The following KCND2 variants were observed in gnomAD, a reference collection of about 807,000 sequenced individuals.
KCND2 encodes the protein potassium voltage-gated channel subfamily D member 2.
Under a neutral mutation model 54.4 loss-of-function variants are expected in KCND2, and 16 were observed. That is an observed-to-expected ratio of 0.29 (90% CI 0.20 to 0.45). The LOEUF (loss-of-function observed/expected upper bound fraction) is 0.45, where lower values mean the gene tolerates loss of function less well. KCND2 is among the 20% of genes least tolerant of loss of function. The pLI is 1.00. For missense variants in KCND2, 486 were observed against 824.2 expected, an observed-to-expected ratio of 0.59 and a Z score of 5.02; for synonymous variants, 317 against 310.7, an observed-to-expected ratio of 1.02 and a Z score of -0.21.
At chr7:120,670,670 A>G (rs906022674) in intron 1 of KCND2, among the ~76,000 whole-genome samples, 1 of 152,030 alleles carries the variant, frequency 6.6e-6, no homozygotes, top group Non-Finnish European at 1.5e-5. Context: ...TAATCCCAGC[A>G]CTTTAGGAGG....
At chr7:120,453,272 C>G (rs1361078917) in intron 1 of KCND2, among the ~76,000 whole-genome samples, 1 of 152,198 alleles carries the variant, frequency 6.6e-6, no homozygotes, top group Non-Finnish European at 1.5e-5. Flanking sequence ...GTGCCCTCCC[C>G]CAGCTGATGT....
intron 1 of KCND2, among the ~76,000 whole-genome samples, chr7:120,350,991 A>C (rs556415861): frequency 6.6e-6 from 1 of 152,016 alleles, no homozygotes; most frequent in Admixed American, 6.5e-5. Flanking sequence ...TAGTTATTGA[A>C]ATATAAATGC....
chr7:120,301,940 A>G (rs899722483), intron 1 of KCND2, among the ~76,000 whole-genome samples: 2 of 152,190 alleles, frequency 1.3e-5, no homozygotes, highest in African/African-American at 4.8e-5. Context: ...CTGGAATCAT[A>G]TGTATGATTT....
intron 1 of KCND2, among the ~76,000 whole-genome samples, chr7:120,542,954 G>A (rs193133304): frequency 1.2e-3 from 189 of 152,024 alleles, no homozygotes; most frequent in South Asian, 2.3e-3. Flanking sequence ...TTACTCTTAC[G>A]GAAAGTCAAT....
chr7:120,452,332 A>T (rs941954421), intron 1 of KCND2, among the ~76,000 whole-genome samples: 1 of 152,218 alleles, frequency 6.6e-6, no homozygotes. Flanking sequence ...GGAAAGATTG[A>T]GTGAAATAAG....
At chr7:120,342,139 G>A (rs184684730) in intron 1 of KCND2, among the ~76,000 whole-genome samples, 7 of 152,222 alleles carry the variant, frequency 4.6e-5, no homozygotes, top group East Asian at 1.9e-4. Flanking sequence ...GAAAATCTTC[G>A]GAGAAAATTT....
At chr7:120,410,957 T>C (rs1801441798) in intron 1 of KCND2, among the ~76,000 whole-genome samples, 1 of 151,936 alleles carries the variant, frequency 6.6e-6, no homozygotes, top group Non-Finnish European at 1.5e-5. Context: ...TGATGGACAT[T>C]CGGGTTGGTT....
At chr7:120,310,491 C>G (rs898003837) in intron 1 of KCND2, among the ~76,000 whole-genome samples, 1 of 152,092 alleles carries the variant, frequency 6.6e-6, no homozygotes, top group Admixed American at 6.6e-5. Flanking sequence ...ATATAAATGT[C>G]TGGCTCACAA....
intron 1 of KCND2, among the ~76,000 whole-genome samples, chr7:120,599,145 T>G (rs1172580536): frequency 6.6e-6 from 1 of 152,146 alleles, no homozygotes; most frequent in Admixed American, 6.6e-5. Flanking sequence ...TATATATGGA[T>G]CTATTTTTAA....
intron 1 of KCND2, among the ~76,000 whole-genome samples, chr7:120,632,503 C>T: frequency 6.6e-6 from 1 of 152,124 alleles, no homozygotes; most frequent in South Asian, 2.1e-4. Flanking sequence ...ATGAAAAGTA[C>T]ATACTGAAAG....
intron 1 of KCND2, among the ~76,000 whole-genome samples, chr7:120,517,709 A>T (rs1803216637): frequency 6.6e-6 from 1 of 152,136 alleles, no homozygotes; most frequent in South Asian, 2.1e-4. Flanking sequence ...CTACTGCCAA[A>T]TTTAACCATT....
chr7:120,331,871 C>G (rs1239139849), intron 1 of KCND2, among the ~76,000 whole-genome samples: 1 of 152,018 alleles, frequency 6.6e-6, no homozygotes, highest in Non-Finnish European at 1.5e-5. Context: ...AAAATACCTT[C>G]ATTTTATCCC....
intron 1 of KCND2, among the ~76,000 whole-genome samples, chr7:120,624,837 C>T (rs1793145643): frequency 6.6e-6 from 1 of 151,744 alleles, no homozygotes; most frequent in Non-Finnish European, 1.5e-5. Context: ...AAGTATCTTC[C>T]ATAGTAGATA....
intron 1 of KCND2, among the ~76,000 whole-genome samples, chr7:120,502,441 C>T (rs1802950598): frequency 6.6e-6 from 1 of 152,008 alleles, no homozygotes; most frequent in Admixed American, 6.6e-5. Flanking sequence ...CTAGGTCTAG[C>T]AGGTATTTAA....
At chr7:120,315,802 GT>G (rs1378040748) in intron 1 of KCND2, among the ~76,000 whole-genome samples, 3 of 148,346 alleles carry the variant, frequency 2.0e-5, no homozygotes, top group African/African-American at 4.9e-5. Context: ...GTGTGTGTGT[GT>G]GTGTGTGTGT....
At chr7:120,316,803 GA>G (rs1037045162) in intron 1 of KCND2, among the ~76,000 whole-genome samples, 3 of 150,646 alleles carry the variant, frequency 2.0e-5, no homozygotes, top group Admixed American at 6.6e-5. Flanking sequence ...TTATGTGAAG[GA>G]AAAAAAATCA....
At chr7:120,651,618 C>CTGTCCTGCACCCAG (rs1791734697) in intron 1 of KCND2, among the ~76,000 whole-genome samples, 2 of 152,168 alleles carry the variant, frequency 1.3e-5, no homozygotes, top group Non-Finnish European at 2.9e-5. Flanking sequence ...GCTGCACCCA[C>CTGTCCTGCACCCAG]TGTCCTGCAC....
At chr7:120,736,563 C>T (rs1365680123) in intron 2 of KCND2, among the ~76,000 whole-genome samples, 1 of 151,908 alleles carries the variant, frequency 6.6e-6, no homozygotes, top group Non-Finnish European at 1.5e-5. Flanking sequence ...GATCACATCA[C>T]CTAATCATCT....
In KCND2 at chr7:120,274,903, A is replaced by G. The variant is rs770810563; in HGVS notation, c.271A>G (p.Ile91Val). 2.9e-5 allele frequency: 46 copies of G among 1,613,860 alleles called. No individual in the cohort carries two copies. Among genetic ancestry groups the G allele is most frequent in the Non-Finnish European group, 3.6e-5 (42 of 1,179,994 alleles). The change falls in exon 1 of 6, where the codon ATC becomes GTC. Residue 91 changes from isoleucine to valine, a missense_variant. By Grantham distance (29) the Ile-to-Val change is conservative. Around this residue, in one of 7 missense-constraint regions of KCND2, gnomAD observed 231 missense variants for 386.0 expected, o/e 0.60. Coordinates refer to ENST00000331113, the MANE Select transcript of KCND2 (RefSeq NM_012281.3). ...QQYFFDRDPDIFRHILNFYRT... is the reference protein window; with the variant it reads ...QQYFFDRDPDVFRHILNFYRT... ...GTATTTCTTTGACCGTGACCCAGAC[A>G]TCTTCCGCCACATCCTGAATTTCTA...
Sources: gnomAD v4.1 joint callset for allele counts (sites outside exome capture counted in the v4.1 genomes callset) on GRCh38, gnomAD v4.1.1 for gene constraint, gnomAD v4.1.1 regional missense constraint, MANE v1.5 for transcripts, NCBI Gene and HGNC (gene_info 2026-07-23, HGNC 2026-07-21) for gene names.